The following TSPAN5 variants were observed in gnomAD, a reference collection of about 807,000 sequenced individuals.
TSPAN5 encodes the protein tetraspanin-5.
TSPAN5 carries 10 observed loss-of-function variants against 37.1 expected under a neutral mutation model. The ratio of observed to expected loss-of-function variants is 0.27; its 90% CI spans 0.17 to 0.46. The LOEUF is 0.46. Ranked by LOEUF, TSPAN5 falls within the 20% of genes least tolerant of loss-of-function variation. The pLI is 1.00. For synonymous variants in TSPAN5, 110 were observed against 118.9 expected (o/e 0.93, Z 0.48); for missense variants, 195 against 326.6 (o/e 0.60, Z 3.11).
Position 98,471,329 on chromosome 4 carries a change from G to A in TSPAN5, c.*1193C>T, listed in dbSNP as rs964054651. On this transcript the variant is annotated 3_prime_UTR_variant, in exon 8 of 8. Coordinates refer to ENST00000305798, the MANE Select transcript of TSPAN5 (RefSeq NM_005723.4). ...AATTCCATTCAAAGAGAAAGAAGGG[G>A]AGGGTGCAGAAAAGGCCACTCAGAT... 6 of 152,180 alleles carry A rather than the reference G, an allele frequency of 3.9e-5. No individual in the cohort carries two copies. Among genetic ancestry groups the A allele is most frequent in the African/African-American group, 1.4e-4 (6 of 41,426 alleles). 9.4% of individuals were successfully genotyped at this position (152,180 alleles called of 1,614,324 possible).
chr4:98,613,586 A>G (rs6823791), intron 1 of TSPAN5, among the ~76,000 whole-genome samples: 34,292 of 152,018 alleles, frequency 0.23, 4,352 homozygotes, highest in African/African-American at 0.32. Flanking sequence ...TTATAACACA[A>G]CAGGGTCCCA....
intron 1 of TSPAN5, among the ~76,000 whole-genome samples, chr4:98,642,036 A>G (rs1186567343): frequency 6.6e-6 from 1 of 152,248 alleles, no homozygotes; most frequent in Non-Finnish European, 1.5e-5. Flanking sequence ...TTATACAATC[A>G]GGGCTGCAAA....
chr4:98,472,605 T>A lies in TSPAN5; in HGVS notation c.742-18A>T. On this transcript the variant is annotated intron_variant, in intron 7 of 7. Coordinates refer to ENST00000305798, the MANE Select transcript of TSPAN5 (RefSeq NM_005723.4). The stretch of plus-strand genomic sequence containing the variant: ...CCAAATATCTGAGAAAGGAAGAAAA[T>A]GTGAGTGAAACAGTGACACTTGTAA... The A allele has an allele frequency of 6.2e-7, 1 of 1,609,136 alleles. No individual in the cohort carries two copies. Among genetic ancestry groups the A allele is most frequent in the Non-Finnish European group, 8.5e-7 (1 of 1,176,672 alleles).
At chr4:98,549,922 A>T (rs1754569300) in intron 1 of TSPAN5, among the ~76,000 whole-genome samples, 1 of 150,522 alleles carries the variant, frequency 6.6e-6, no homozygotes, top group East Asian at 1.9e-4. Flanking sequence ...TTTTATTTTC[A>T]TTGTGCTTGG....
At chr4:98,588,866 CTT>C (rs1208511161) in intron 1 of TSPAN5, among the ~76,000 whole-genome samples, 2 of 152,166 alleles carry the variant, frequency 1.3e-5, no homozygotes, top group East Asian at 3.8e-4. Context: ...TTGCAGAGTG[CTT>C]TGTTTTTTAA....
intron 1 of TSPAN5, among the ~76,000 whole-genome samples, chr4:98,548,531 T>A (rs1578984167): frequency 6.6e-6 from 1 of 152,102 alleles, no homozygotes. Flanking sequence ...TTTTTAAAAT[T>A]TAAAAATACA....
chr4:98,554,774 AGG>A (rs1335577013), intron 1 of TSPAN5, among the ~76,000 whole-genome samples: 1 of 152,232 alleles, frequency 6.6e-6, no homozygotes, highest in African/African-American at 2.4e-5. Context: ...TTAGACCTGA[AGG>A]CCAGATCCAC....
At chr4:98,635,099 G>A (rs934826245) in intron 1 of TSPAN5, among the ~76,000 whole-genome samples, 2 of 152,152 alleles carry the variant, frequency 1.3e-5, no homozygotes, top group African/African-American at 4.8e-5. Context: ...TCCTGCACCT[G>A]CATATCTTTC....
intron 2 of TSPAN5, among the ~76,000 whole-genome samples, chr4:98,497,117 G>A (rs180928716): frequency 1.3e-5 from 2 of 152,144 alleles, no homozygotes; most frequent in South Asian, 2.1e-4. Flanking sequence ...ATGAGGTCAG[G>A]AGTTTGAGAC....
intron 1 of TSPAN5, among the ~76,000 whole-genome samples, chr4:98,602,027 C>T (rs911466616): frequency 2.6e-5 from 4 of 152,068 alleles, no homozygotes; most frequent in African/African-American, 7.2e-5. Context: ...CTTACATGGG[C>T]GTGGTTCATG....
At chr4:98,645,010 A>G (rs1757032075) in intron 1 of TSPAN5, among the ~76,000 whole-genome samples, 1 of 152,246 alleles carries the variant, frequency 6.6e-6, no homozygotes, top group Admixed American at 6.5e-5. Flanking sequence ...GCTGCAAATT[A>G]CTTAAGCACA....
At chr4:98,596,643 A>G (rs1430057621) in intron 1 of TSPAN5, among the ~76,000 whole-genome samples, 1 of 70,662 alleles carries the variant, frequency 1.4e-5, no homozygotes, top group Non-Finnish European at 2.5e-5. Flanking sequence ...TGGTGACAAA[A>G]TCTCTCAGCA....
chr4:98,627,277 A>C (rs1193032999), intron 1 of TSPAN5, among the ~76,000 whole-genome samples: 2 of 152,142 alleles, frequency 1.3e-5, no homozygotes, highest in Non-Finnish European at 2.9e-5. Context: ...GTGATCCTGA[A>C]CCGGATCCTT....
At position 98,623,499 on chromosome 4, in the gene TSPAN5, CTTAAA is replaced by C. The variant is rs1196848581; in HGVS notation, c.81+34642_81+34646del. 7.9e-5 allele frequency among the ~76,000 whole-genome samples: 12 copies of C among 152,304 alleles called. No homozygotes were observed. In the South Asian group the frequency reaches 2.5e-3, roughly 32 times the overall value. On this transcript the variant is annotated intron_variant, in intron 1 of 7. Coordinates refer to ENST00000305798, the MANE Select transcript of TSPAN5 (RefSeq NM_005723.4). The stretch of plus-strand genomic sequence containing the variant: ...CCTCTGTCCCACTTCAAAATTATAG[CTTAAA>C]TTATTTTGTTCCTCAAAAGCCATAG...
At chr4:98,489,322 G>C (rs1005901549) in intron 2 of TSPAN5, among the ~76,000 whole-genome samples, 1 of 152,114 alleles carries the variant, frequency 6.6e-6, no homozygotes, top group Non-Finnish European at 1.5e-5. Context: ...CAACCAATCA[G>C]GTAGTAAATA....
At chr4:98,582,664 A>C (rs1287344531) in intron 1 of TSPAN5, among the ~76,000 whole-genome samples, 3 of 152,196 alleles carry the variant, frequency 2.0e-5, no homozygotes, top group Admixed American at 6.5e-5. Flanking sequence ...AAGCTGCTTG[A>C]AAAATGAAGT....
chr4:98,632,462 C>CA (rs1756769420), intron 1 of TSPAN5, among the ~76,000 whole-genome samples: 1 of 152,040 alleles, frequency 6.6e-6, no homozygotes, highest in South Asian at 2.1e-4. Context: ...TGCTGTCATT[C>CA]AAAATGAGAG....
chr4:98,474,496 C>T (rs369876245), intron 7 of TSPAN5, among the ~76,000 whole-genome samples: 24 of 151,096 alleles, frequency 1.6e-4, no homozygotes, highest in East Asian at 1.2e-3. Context: ...CACAGGCATG[C>T]GCCATCATGC....
At chr4:98,602,553 A>T (rs1369535342) in intron 1 of TSPAN5, among the ~76,000 whole-genome samples, 1 of 152,120 alleles carries the variant, frequency 6.6e-6, no homozygotes, top group Non-Finnish European at 1.5e-5. Context: ...ATGCCTAGGT[A>T]CTCACAGCTC....
Sources: allele counts gnomAD v4.1 joint callset (sites outside exome capture counted in the v4.1 genomes callset), GRCh38; gene constraint gnomAD v4.1.1; transcripts MANE v1.5; gene names NCBI Gene and HGNC (gene_info 2026-07-23, HGNC 2026-07-21).